LRRC4: variants seen among roughly 807,000 people sequenced by gnomAD.
LRRC4 encodes leucine-rich repeat-containing protein 4.
LRRC4 carries 11 observed loss-of-function variants against 37.9 expected under a neutral mutation model. That is an observed-to-expected ratio of 0.29 (90% CI 0.18 to 0.48). LRRC4 has a LOEUF of 0.48. LRRC4 is among the 20% of genes least tolerant of loss of function. The pLI, the probability that LRRC4 is intolerant of heterozygous loss-of-function variation, is 0.99. For missense variants in LRRC4, 717 were observed against 842.1 expected, an observed-to-expected ratio of 0.85 and a Z score of 1.84; for synonymous variants, 404 against 346.7, an observed-to-expected ratio of 1.17 and a Z score of -1.84.
Position 128,028,547 on chromosome 7 carries a change from CTG to C in LRRC4, c.*130_*131del, listed in dbSNP as rs1803547555. ...TTTTGTCTTTAAATTTTAATATAATCTGTTTTTTTTAACCAGCCCATAGACTT... is the reference window on the plus strand; with the variant it reads ...TTTTGTCTTTAAATTTTAATATAATCTTTTTTTTAACCAGCCCATAGACTT... On this transcript the variant is annotated 3_prime_UTR_variant, in exon 2 of 2. Transcript: ENST00000249363. 6.4e-6 allele frequency: 5 copies of C among 780,036 alleles called. No individual in the cohort carries two copies. Among genetic ancestry groups the C allele is most frequent in the Admixed American group, 6.5e-5 (2 of 30,860 alleles). 48.3% of individuals were successfully genotyped at this position (780,036 alleles called of 1,614,324 possible).
Position 128,030,895 on chromosome 7 carries a change from C to G in LRRC4, c.-101+18G>C. The G allele has an allele frequency of 2.5e-6, 1 of 400,834 alleles. No individual in the cohort carries two copies. Among genetic ancestry groups the G allele is most frequent in the Non-Finnish European group, 4.5e-6 (1 of 223,200 alleles). The allele number at this position is 400,834 out of a possible 1,614,324, so 24.8% of individuals were successfully genotyped here. On this transcript the variant is annotated intron_variant, in intron 1 of 1. Coordinates refer to ENST00000249363, the MANE Select transcript of LRRC4 (RefSeq NM_022143.5). ...CTCCCACACTGCAACCGTCCCCACC[C>G]AGTTCGCCGTCACCTACCTCGGAAG...
Position 128,030,305 on chromosome 7 carries a change from C to T in LRRC4, c.336G>A (p.Arg112=), listed in dbSNP as rs201760607. The T allele has an allele frequency of 1.4e-5, 22 of 1,614,160 alleles. No homozygotes were observed. Among genetic ancestry groups the T allele is most frequent in the Non-Finnish European group, 1.9e-5 (22 of 1,180,024 alleles). The change falls in exon 2 of 2, where the codon CGG becomes CGA. Residue 112 remains arginine (R), a synonymous_variant. Transcript: ENST00000249363. ...EVLQLGRNSI[R]QIEVGAFNGL... The stretch of plus-strand genomic sequence containing the variant: ...CGTTGAAGGCCCCCACCTCAATCTG[C>T]CGGATGGAGTTCCTGCCCAACTGCA...
chr7:128,029,569 C>G lies in LRRC4; in HGVS notation c.1072G>C (p.Ala358Pro). 1 of 1,613,962 alleles carries G rather than the reference C, an allele frequency of 6.2e-7. No individual in the cohort carries two copies. Among genetic ancestry groups the G allele is most frequent in the Non-Finnish European group, 8.5e-7 (1 of 1,180,016 alleles). ...TCAGAAATGTTGAGGTCTCGAGGTG[C>G]GTCCATGATGAAGGGGGCAGAGCAC... ...FQCSAPFIMD[A>P]PRDLNISEGR... is the part of the protein sequence containing the mutation. The change falls in exon 2 of 2, where the codon GCA (alanine) becomes CCA (proline). Residue 358 changes from alanine (A) to proline (P), a missense_variant. Transcript: ENST00000249363. The surrounding 1 kb of genome is among the most constrained non-coding windows in gnomAD (Gnocchi z 4.2).
In LRRC4 at chr7:128,028,818, T is replaced by C. The variant is rs754214662; in HGVS notation, c.1823A>G (p.Asn608Ser). 7.4e-6 allele frequency: 12 copies of C among 1,614,092 alleles called. No individual in the cohort carries two copies. The South Asian group carries it at 1.2e-4, about 16-fold the overall frequency. ...GGCCCCATGTGCTGGTTTGTAGGTG[T>C]TGTAGTTAATATGGTCATGAATTGT... ...LPTIHDHINY[N>S]TYKPAHGAHW... The change falls in exon 2 of 2, where the codon AAC becomes AGC. Residue 608 changes from asparagine (N) to serine (S), a missense_variant. Around this residue, in one of 5 missense-constraint regions of LRRC4, gnomAD observed 140 missense variants for 137.2 expected, o/e 1.02. Transcript: ENST00000249363.
chr7:128,031,096 C>T lies in LRRC4; in HGVS notation c.-284G>A, dbSNP rs1027318354. 2 of 152,974 alleles carry T rather than the reference C, an allele frequency of 1.3e-5. No individual in the cohort carries two copies. Among genetic ancestry groups the T allele is most frequent in the African/African-American group, 4.8e-5 (2 of 41,426 alleles). 9.5% of individuals were successfully genotyped at this position (152,974 alleles called of 1,614,324 possible). ...AGGGGTGGGGGAGACAAAATGGCCT[C>T]TAGTAAATCCGGAGCCGGAGCCGGC... On this transcript the variant is annotated 5_prime_UTR_variant, in exon 1 of 2. An upstream open reading frame in the 5' UTR loses its in-frame stop. Coordinates refer to ENST00000249363, the MANE Select transcript of LRRC4 (RefSeq NM_022143.5).
In LRRC4 at chr7:128,030,295, C is replaced by T; in HGVS notation, c.346G>A (p.Val116Met). The change falls in exon 2 of 2, where the codon GTG becomes ATG. Residue 116 changes from valine (V) to methionine (M), a missense_variant. By Grantham distance (21) the Val-to-Met change is conservative. Coordinates refer to ENST00000249363, the MANE Select transcript of LRRC4 (RefSeq NM_022143.5). ...CTGGCCAGGCCGTTGAAGGCCCCCA[C>T]CTCAATCTGCCGGATGGAGTTCCTG... ...LGRNSIRQIE[V>M]GAFNGLASLN... 1 of 1,614,178 alleles carries T rather than the reference C, an allele frequency of 6.2e-7. No homozygotes were observed. The highest frequency in any genetic ancestry group is 8.5e-7 in the Non-Finnish European group (1 of 1,180,022).
At chr7:128,031,803 C>T (rs892305425), upstream of LRRC4, among the ~76,000 whole-genome samples, 5 of 147,492 alleles carry the variant, frequency 3.4e-5, no homozygotes, top group African/African-American at 1.2e-4. Flanking sequence ...TGCCCGGCCC[C>T]CGGCGCGCCG....
rs1584748953 is a variant in LRRC4 at position 128,030,102 on chromosome 7, T to C, written c.539A>G (p.Glu180Gly). The C allele has an allele frequency of 6.2e-7, 1 of 1,613,794 alleles. No individual in the cohort carries two copies. Among genetic ancestry groups the C allele is most frequent in the Middle Eastern group, 1.6e-4 (1 of 6,062 alleles). ...AGAGATATACTCCAGCTTCTTGAGC[T>C]CCCCCAAGTCCAGGCGCATGAGGGA... ...VPSLMRLDLG[E>G]LKKLEYISEG... Residue 180 changes from glutamate to glycine, a missense_variant, in exon 2 of 2, where the codon GAG becomes GGG. Glu to Gly is a moderately conservative substitution (Grantham distance 98). Transcript: ENST00000249363.
chr7:128,031,294 G>A lies in LRRC4; in HGVS notation c.-482C>T, dbSNP rs1258233188. Among the ~76,000 whole-genome samples the A allele has an allele frequency of 6.6e-6, 1 of 151,652 alleles. No individual in the cohort carries two copies. Among genetic ancestry groups the A allele is most frequent in the Non-Finnish European group, 1.5e-5 (1 of 67,838 alleles). Reference sequence around the variant, plus strand: ...GGAAGGCGCTTCATCGCCAAAGTGCGCTCCGGCGGCCCCGGCCCGCTCTGC... The same window carrying A: ...GGAAGGCGCTTCATCGCCAAAGTGCACTCCGGCGGCCCCGGCCCGCTCTGC... On this transcript the variant is annotated 5_prime_UTR_variant, in exon 1 of 2. Transcript: ENST00000249363.
In LRRC4 at chr7:128,028,475, C is replaced by T; in HGVS notation, c.*204G>A. 4 of 517,982 alleles carry T rather than the reference C, an allele frequency of 7.7e-6. No individual in the cohort carries two copies. The highest frequency in any genetic ancestry group is 1.3e-5 in the Non-Finnish European group (4 of 305,666). The allele number at this position is 517,982 out of a possible 1,614,324, so 32.1% of individuals were successfully genotyped here. A position where few individuals can be genotyped will look rare whatever the true frequency, so the allele number is the denominator to read the frequency against. ...CAACGTTCCCAAGATTCCCCCCCAC[C>T]CCCTTTAAATAGAACTTACAAGTTA... On this transcript the variant is annotated 3_prime_UTR_variant, in exon 2 of 2. Transcript: ENST00000249363.
At position 128,028,905 on chromosome 7, in the gene LRRC4, G is replaced by A; in HGVS notation, c.1736C>T (p.Thr579Ile). The A allele has an allele frequency of 6.2e-7, 1 of 1,613,418 alleles. No homozygotes were observed. Among genetic ancestry groups the A allele is most frequent in the Non-Finnish European group, 8.5e-7 (1 of 1,179,554 alleles). The change falls in exon 2 of 2, where the codon ACA becomes ATA. Residue 579 changes from threonine (T) to isoleucine (I), a missense_variant. Thr to Ile is a moderately conservative substitution (Grantham distance 89). Around this residue, in one of 5 missense-constraint regions of LRRC4, gnomAD observed 140 missense variants for 137.2 expected, o/e 1.02. Coordinates refer to ENST00000249363, the MANE Select transcript of LRRC4 (RefSeq NM_022143.5). Reference protein sequence around the residue: ...IQVDEDIPAATSAAATAAPSG... With the variant: ...IQVDEDIPAAISAAATAAPSG... ...CGGAGCTGCTGTTGCTGCTGCGGATGTTGCTGCTGGGATGTCTTCGTCCAC... is the reference window on the plus strand; with the variant it reads ...CGGAGCTGCTGTTGCTGCTGCGGATATTGCTGCTGGGATGTCTTCGTCCAC...
chr7:128,031,716 C>T (rs1245605620), upstream of LRRC4: 2 of 142,848 alleles, frequency 1.4e-5, no homozygotes, highest in Non-Finnish European at 3.1e-5. Context: ...TCAGAGAGTC[C>T]GGGGGCGGGC....
Position 128,028,996 on chromosome 7 carries a change from T to C in LRRC4, c.1645A>G (p.Lys549Glu). The change falls in exon 2 of 2, where the codon AAA becomes GAA. Residue 549 changes from lysine (K) to glutamate (E), a missense_variant. Lys to Glu is a moderately conservative substitution (Grantham distance 56, BLOSUM62 1). Transcript: ENST00000249363. ...CGCTGCTGGTGCCGCTTACGAAGTT[T>C]ATAGAAGACAATCAACATGGCGGCA... ...LAAAMLIVFY[K>E]LRKRHQQRST... The C allele has an allele frequency of 5.0e-6, 8 of 1,613,232 alleles. No homozygotes were observed. The highest frequency in any genetic ancestry group is 6.8e-6 in the Non-Finnish European group (8 of 1,179,612).
rs759508610 is a variant in LRRC4, at chr7:128,030,652, T to C, written c.-12A>G. ...CACAAGAGCTTCATGGTGTGGCACG[T>C]TCATAATTCACCATCGCCTGGGATT... On this transcript the variant is annotated 5_prime_UTR_variant, in exon 2 of 2. Transcript: ENST00000249363. 7.8e-6 allele frequency: 12 copies of C among 1,534,952 alleles called. No homozygotes were observed. The highest frequency in any genetic ancestry group is 8.8e-6 in the Non-Finnish European group (10 of 1,137,648).
In LRRC4 at chr7:128,028,590, A is replaced by T; in HGVS notation, c.*89T>A. On this transcript the variant is annotated 3_prime_UTR_variant, in exon 2 of 2. Coordinates refer to ENST00000249363, the MANE Select transcript of LRRC4 (RefSeq NM_022143.5). The stretch of plus-strand genomic sequence containing the variant: ...CCATAGACTTAATATATAAGCATAT[A>T]CAAGAAAAAGTCTCTCCCCACTCTG... 8.0e-7 allele frequency: 1 copy of T among 1,243,814 alleles called. No homozygotes were observed. Among genetic ancestry groups the T allele is most frequent in the Non-Finnish European group, 1.1e-6 (1 of 888,112 alleles). 77.0% of individuals were successfully genotyped at this position (1,243,814 alleles called of 1,614,324 possible).
chr7:128,029,504 C>T lies in LRRC4; in HGVS notation c.1137G>A (p.Met379Ile). Residue 379 changes from methionine to isoleucine, a missense_variant, in exon 2 of 2, where the codon ATG (methionine) becomes ATA (isoleucine). Transcript: ENST00000249363. The surrounding 1 kb of genome is among the most constrained non-coding windows in gnomAD (Gnocchi z 4.2). Reference protein sequence around the residue: ...MAELKCRTPPMSSVKWLLPNG... With the variant: ...MAELKCRTPPISSVKWLLPNG... ...TGGGCAGCAACCACTTCACGGAGGA[C>T]ATAGGGGGAGTCCGACACTTAAGTT... 6.2e-7 allele frequency: 1 copy of T among 1,614,090 alleles called. No homozygotes were observed. Among genetic ancestry groups the T allele is most frequent in the South Asian group, 1.1e-5 (1 of 91,078 alleles).
Position 128,029,058 on chromosome 7 carries a change from A to G in LRRC4, c.1583T>C (p.Ile528Thr), listed in dbSNP as rs1291987701. The G allele has an allele frequency of 6.2e-7, 1 of 1,613,920 alleles. No individual in the cohort carries two copies. Among genetic ancestry groups the G allele is most frequent in the Non-Finnish European group, 8.5e-7 (1 of 1,180,024 alleles). Residue 528 changes from isoleucine to threonine, a missense_variant, in exon 2 of 2, where the codon ATC becomes ACC. This residue lies in a region of LRRC4 where 19 missense variants were observed against 40.7 expected (regional missense o/e 0.47). Transcript: ENST00000249363. The surrounding 1 kb of genome is among the most constrained non-coding windows in gnomAD (Gnocchi z 4.2). ...SLDEVMKTTK[I>T]IIGCFVAVTL... ...CACTGCCACAAAGCAGCCAATGATG[A>G]TCTTGGTGGTCTTCATGACTTCATC...
chr7:128,029,563 G>T lies in LRRC4; in HGVS notation c.1078C>A (p.Arg360=). ...CSAPFIMDAP[R]DLNISEGRMA... is the part of the protein sequence containing the mutation. ...CGACCCTCAGAAATGTTGAGGTCTCGAGGTGCGTCCATGATGAAGGGGGCA... is the reference window on the plus strand; with the variant it reads ...CGACCCTCAGAAATGTTGAGGTCTCTAGGTGCGTCCATGATGAAGGGGGCA... Residue 360 remains arginine, a synonymous_variant, in exon 2 of 2, where the codon CGA becomes AGA. Transcript: ENST00000249363. The surrounding 1 kb of genome is among the most constrained non-coding windows in gnomAD (Gnocchi z 4.2). 6.2e-7 allele frequency: 1 copy of T among 1,614,024 alleles called. No individual in the cohort carries two copies. Among genetic ancestry groups the T allele is most frequent in the Non-Finnish European group, 8.5e-7 (1 of 1,180,016 alleles).
chr7:128,031,509 C>T (rs1300225503), upstream of LRRC4: 3 of 151,634 alleles, frequency 2.0e-5, no homozygotes, highest in East Asian at 2.0e-4. Flanking sequence ...ACACACACCC[C>T]CTTTCTCCTC....
Sources: gnomAD v4.1 joint callset for allele counts (sites outside exome capture counted in the v4.1 genomes callset) on GRCh38, gnomAD v4.1.1 for gene constraint, gnomAD v4.1.1 regional missense constraint, Gnocchi (gnomAD v3.1) non-coding constraint, MANE v1.5 for transcripts, NCBI Gene and HGNC (gene_info 2026-07-23, HGNC 2026-07-21) for gene names.